NLGN4X: variants seen among roughly 807,000 people sequenced by gnomAD.
NLGN4X encodes the protein neuroligin-4, X-linked.
Under a neutral mutation model 40.3 loss-of-function variants are expected in NLGN4X, and 3 were observed. That is an observed-to-expected ratio of 0.07 (90% confidence interval 0.03 to 0.19). The LOEUF (loss-of-function observed/expected upper bound fraction) is 0.19. Ranked by LOEUF, NLGN4X falls within the 10% of genes least tolerant of loss-of-function variation. The pLI is 1.00. For synonymous variants in NLGN4X, 270 were observed against 306.8 expected, an observed-to-expected ratio of 0.88 and a Z score of 1.25; for missense variants, 382 against 708.3, an observed-to-expected ratio of 0.54 and a Z score of 5.23.
chrX:6,111,966 A>G (rs1390442956), intron 2 of NLGN4X, among the ~76,000 whole-genome samples: 1 of 111,966 alleles, frequency 8.9e-6, no homozygotes, highest in Non-Finnish European at 1.9e-5. Context: ...TTAACCAAAC[A>G]AGCTAGAGTC....
intron 3 of NLGN4X, among the ~76,000 whole-genome samples, chrX:6,014,883 T>TC (rs1310480774): frequency 9.0e-6 from 1 of 111,716 alleles, no homozygotes; most frequent in African/African-American, 3.3e-5. Flanking sequence ...ACCACTACTT[T>TC]CCAGCTGCAC....
At chrX:5,997,243 CAT>C (rs1157452431) in intron 3 of NLGN4X, among the ~76,000 whole-genome samples, 2 of 105,678 alleles carry the variant, frequency 1.9e-5, no homozygotes, top group Non-Finnish European at 3.9e-5. Context: ...TAGATACAAA[CAT>C]ATATATGAAG....
intron 3 of NLGN4X, among the ~76,000 whole-genome samples, chrX:5,959,235 T>C (rs183707724): frequency 8.9e-5 from 10 of 112,114 alleles, no homozygotes; most frequent in Admixed American, 2.8e-4. Flanking sequence ...AATGAGAAAT[T>C]TTCCTTAGTC....
chrX:6,169,536 G>A (rs192197594), intron 1 of NLGN4X, among the ~76,000 whole-genome samples: 112 of 113,089 alleles, frequency 9.9e-4, no homozygotes, highest in African/African-American at 3.5e-3. Flanking sequence ...ACCACGGAAC[G>A]AATTTCTAGA....
chrX:5,947,615 C>T (rs2369486), intron 3 of NLGN4X, among the ~76,000 whole-genome samples: 36,024 of 110,978 alleles, frequency 0.32, 5,881 homozygotes, highest in African/African-American at 0.65. Context: ...TCAAAAGTAG[C>T]TTCAAGTGAT....
intron 1 of NLGN4X, among the ~76,000 whole-genome samples, chrX:6,169,154 A>G (rs889393084): frequency 8.9e-6 from 1 of 111,852 alleles, no homozygotes; most frequent in African/African-American, 3.2e-5. Flanking sequence ...TCCTACTGAA[A>G]TCAATAATTT....
At chrX:6,012,340 A>C (rs1336417812) in intron 3 of NLGN4X, among the ~76,000 whole-genome samples, 1 of 112,197 alleles carries the variant, frequency 8.9e-6, no homozygotes, top group Non-Finnish European at 1.9e-5. Context: ...CAGATACTGC[A>C]TGACTACATT....
At chrX:5,918,050 T>A (rs1033714155) in intron 3 of NLGN4X, among the ~76,000 whole-genome samples, 14 of 111,919 alleles carry the variant, frequency 1.3e-4, no homozygotes, top group African/African-American at 4.5e-4. Flanking sequence ...AAATGCTCAT[T>A]CAACAATGTA....
intron 2 of NLGN4X, among the ~76,000 whole-genome samples, chrX:6,116,290 C>CAAAAAAAAAAAAAAAAA (rs758019203): frequency 6.2e-5 from 1 of 16,165 alleles, no homozygotes; most frequent in Non-Finnish European, 1.0e-4. Context: ...GAGACTCTGT[C>CAAAAAAAAAAAAAAAAA]AAAAAAAAAA....
chrX:5,909,256 G>C lies in NLGN4X; in HGVS notation c.626-17C>G. 1 of 1,209,494 alleles carries C rather than the reference G, an allele frequency of 8.3e-7. No homozygotes were observed. The highest frequency in any genetic ancestry group is 1.1e-6 in the Non-Finnish European group (1 of 893,642). On this transcript the variant is annotated splice_polypyrimidine_tract_variant and intron_variant, in intron 3 of 5. Coordinates refer to ENST00000381095, the MANE Select transcript of NLGN4X (RefSeq NM_181332.3). Reference sequence around the variant, plus strand: ...TTAAAAACCCTACAAAAGAACACAAGATATTTTTGGTGGCCAAATAGAAAA... The same window carrying C: ...TTAAAAACCCTACAAAAGAACACAACATATTTTTGGTGGCCAAATAGAAAA...
chrX:6,057,262 T>C (rs770440738), intron 2 of NLGN4X, among the ~76,000 whole-genome samples: 19 of 111,933 alleles, frequency 1.7e-4, no homozygotes, highest in African/African-American at 5.8e-4. Flanking sequence ...GCTTTGAGAA[T>C]AGGGTTCCTA....
Position 6,029,347 on chromosome X carries a change from G to A in NLGN4X, c.558C>T (p.Asp186=), listed in dbSNP as rs145911431. 7.6e-4 allele frequency: 916 copies of A among 1,208,750 alleles called. 9 individuals are homozygous for A. The African/African-American group carries it at 0.014, about 18-fold the overall frequency. ...TTCCGTAGCTTGCCAAAATGCTGCC[G>A]TCAATCATGTTGCCGGTGCCCTCCA... ...SYMEGTGNMI[D]GSILASYGNV... The change falls in exon 3 of 6, where the codon GAC becomes GAT. Residue 186 remains aspartate (D), a synonymous_variant. Coordinates refer to ENST00000381095, the MANE Select transcript of NLGN4X (RefSeq NM_181332.3).
chrX:5,899,989 A>C (rs1443622853), intron 5 of NLGN4X, among the ~76,000 whole-genome samples: 1 of 112,288 alleles, frequency 8.9e-6, no homozygotes, highest in Non-Finnish European at 1.9e-5. Context: ...TGTAGCGAAG[A>C]TTGAATGAGT....
chrX:6,052,565 G>A (rs2037519294), intron 2 of NLGN4X, among the ~76,000 whole-genome samples: 1 of 111,849 alleles, frequency 8.9e-6, no homozygotes, highest in South Asian at 3.7e-4. Context: ...GGGCATTTGG[G>A]CTGCCTGTCA....
In NLGN4X at chrX:5,916,181, A is replaced by G. The variant is rs1255098696; in HGVS notation, c.626-6942T>C. Among the ~76,000 whole-genome samples the G allele has an allele frequency of 7.1e-5, 8 of 112,076 alleles. No individual in the cohort carries two copies. In the East Asian group the frequency reaches 2.0e-3, roughly 28 times the overall value. ...AATTCTTTGAATGCTTTCTATGAAAATCTTTATTCTGATGCATAAAAATAG... is the reference window on the plus strand; with the variant it reads ...AATTCTTTGAATGCTTTCTATGAAAGTCTTTATTCTGATGCATAAAAATAG... On this transcript the variant is annotated intron_variant, in intron 3 of 5. Transcript: ENST00000381095.
chrX:6,199,651 G>A (rs1923421455), intron 1 of NLGN4X, among the ~76,000 whole-genome samples: 1 of 111,675 alleles, frequency 9.0e-6, no homozygotes, highest in South Asian at 3.7e-4. Context: ...TCAAAATCCT[G>A]AACTTTCTTA....
intron 3 of NLGN4X, among the ~76,000 whole-genome samples, chrX:5,921,236 A>G (rs2033031123): frequency 9.4e-6 from 1 of 106,606 alleles, no homozygotes; most frequent in African/African-American, 3.4e-5. Flanking sequence ...TCACTGCAAC[A>G]GTCTCAAGGT....
chrX:5,965,072 C>T (rs2034783138), intron 3 of NLGN4X, among the ~76,000 whole-genome samples: 2 of 111,592 alleles, frequency 1.8e-5, no homozygotes, highest in Non-Finnish European at 3.8e-5. Context: ...AGTGAATATA[C>T]ATGCTAAGTT....
chrX:5,994,269 T>G (rs1055094124), intron 3 of NLGN4X, among the ~76,000 whole-genome samples: 1 of 111,793 alleles, frequency 8.9e-6, no homozygotes, highest in Non-Finnish European at 1.9e-5. Context: ...ACCGATTAGA[T>G]TGAGATGTAA....
Sources: allele counts gnomAD v4.1 joint callset (sites outside exome capture counted in the v4.1 genomes callset), GRCh38; gene constraint gnomAD v4.1.1; transcripts MANE v1.5; gene names NCBI Gene and HGNC (gene_info 2026-07-23, HGNC 2026-07-21).